EXOC6B: variants seen among roughly 807,000 people sequenced by gnomAD.
EXOC6B encodes the protein exocyst complex component 6B.
In EXOC6B, 54 loss-of-function variants were observed where a neutral mutation model predicts 113.5. That is an observed-to-expected ratio of 0.48 (90% CI 0.38 to 0.60). The LOEUF (loss-of-function observed/expected upper bound fraction) is 0.60. Ranked by LOEUF, EXOC6B falls within the 20% of genes least tolerant of loss-of-function variation. EXOC6B has a pLI of 0.00. For missense variants in EXOC6B, 797 were observed against 977.5 expected (o/e 0.82, Z 2.46); for synonymous variants, 357 against 339.0 (o/e 1.05, Z -0.58).
At chr2:72,244,444 A>G (rs1055256978) in intron 20 of EXOC6B, among the ~76,000 whole-genome samples, 33 of 152,164 alleles carry the variant, frequency 2.2e-4, no homozygotes, top group African/African-American at 7.7e-4. Flanking sequence ...TCCATAAATT[A>G]CCAAAGAAGG....
At chr2:72,303,448 C>T (rs1274997201) in intron 20 of EXOC6B, among the ~76,000 whole-genome samples, 1 of 152,038 alleles carries the variant, frequency 6.6e-6, no homozygotes, top group African/African-American at 2.4e-5. Context: ...TTATTATTTT[C>T]TCTTTATTTT....
At chr2:72,709,593 C>G (rs979540242) in intron 6 of EXOC6B, among the ~76,000 whole-genome samples, 2 of 152,112 alleles carry the variant, frequency 1.3e-5, no homozygotes, top group Non-Finnish European at 2.9e-5. Flanking sequence ...AGCTTAACCA[C>G]GTAACTGAGA....
intron 19 of EXOC6B, among the ~76,000 whole-genome samples, chr2:72,352,485 G>A (rs1689710575): frequency 1.3e-5 from 2 of 151,976 alleles, no homozygotes; most frequent in African/African-American, 4.8e-5. Flanking sequence ...TGATATTTGG[G>A]TTTTTTTCTC....
At chr2:72,450,491 A>G (rs531504258) in intron 18 of EXOC6B, among the ~76,000 whole-genome samples, 1 of 152,348 alleles carries the variant, frequency 6.6e-6, no homozygotes, top group Non-Finnish European at 1.5e-5. Flanking sequence ...GAGAGAGTGT[A>G]CTTGTTAACT....
At chr2:72,188,845 T>C (rs1433631049) in intron 20 of EXOC6B, among the ~76,000 whole-genome samples, 1 of 152,216 alleles carries the variant, frequency 6.6e-6, no homozygotes, top group Non-Finnish European at 1.5e-5. Context: ...AACATATTGC[T>C]TCCATCCAGA....
chr2:72,759,733 G>C (rs566844192), intron 1 of EXOC6B, among the ~76,000 whole-genome samples: 1 of 152,032 alleles, frequency 6.6e-6, no homozygotes, highest in African/African-American at 2.4e-5. Context: ...AATTTTAACG[G>C]GGAAGACTGT....
chr2:72,544,347 TG>T (rs1702782700), intron 8 of EXOC6B, among the ~76,000 whole-genome samples: 1 of 152,250 alleles, frequency 6.6e-6, no homozygotes, highest in South Asian at 2.1e-4. Flanking sequence ...AAAAGCTCCA[TG>T]TTTTTTTTTC....
intron 20 of EXOC6B, among the ~76,000 whole-genome samples, chr2:72,267,832 G>A (rs564430784): frequency 6.6e-6 from 1 of 152,178 alleles, no homozygotes; most frequent in Admixed American, 6.5e-5. Context: ...TTTCACTTGG[G>A]TCATCTCAAC....
At chr2:72,553,801 A>G (rs1703374903) in intron 8 of EXOC6B, among the ~76,000 whole-genome samples, 1 of 152,176 alleles carries the variant, frequency 6.6e-6, no homozygotes, top group Admixed American at 6.5e-5. Flanking sequence ...CACCAAAATA[A>G]GCTTGTACTA....
chr2:72,290,106 T>C (rs1685691962), intron 20 of EXOC6B, among the ~76,000 whole-genome samples: 1 of 152,312 alleles, frequency 6.6e-6, no homozygotes, highest in Admixed American at 6.5e-5. Flanking sequence ...ACTACACCAT[T>C]GGCTCTCCTG....
At chr2:72,554,478 G>A (rs923340365) in intron 8 of EXOC6B, among the ~76,000 whole-genome samples, 1 of 152,306 alleles carries the variant, frequency 6.6e-6, no homozygotes, top group Non-Finnish European at 1.5e-5. Context: ...TAGTGAGTGA[G>A]TCTCACAAGA....
intron 18 of EXOC6B, among the ~76,000 whole-genome samples, chr2:72,424,045 ATTGT>A (rs1199331970): frequency 1.3e-5 from 2 of 152,066 alleles, no homozygotes; most frequent in African/African-American, 2.4e-5. Flanking sequence ...TGACTTGCAA[ATTGT>A]TTTTGTCTTT....
intron 8 of EXOC6B, among the ~76,000 whole-genome samples, chr2:72,545,336 C>A (rs1451774889): frequency 1.3e-5 from 2 of 151,906 alleles, no homozygotes; most frequent in Non-Finnish European, 2.9e-5. Flanking sequence ...TGTTTGACTA[C>A]ATTTTTTGAA....
At chr2:72,495,003 G>A (rs947584527) in intron 15 of EXOC6B, among the ~76,000 whole-genome samples, 1 of 152,020 alleles carries the variant, frequency 6.6e-6, no homozygotes, top group Non-Finnish European at 1.5e-5. Flanking sequence ...TAAGTAGAAT[G>A]TCAAAATCAG....
intron 8 of EXOC6B, among the ~76,000 whole-genome samples, chr2:72,534,752 T>G (rs1448392688): frequency 6.6e-6 from 1 of 152,196 alleles, no homozygotes; most frequent in Non-Finnish European, 1.5e-5. Context: ...ATAAGAAAAC[T>G]GAAAGCCAAA....
At position 72,803,400 on chromosome 2, in the gene EXOC6B, G is replaced by A. The variant is rs77193574; in HGVS notation, c.113+22398C>T. 2.5e-3 allele frequency among the ~76,000 whole-genome samples: 387 copies of A among 151,960 alleles called. 1 individual carries two copies. The highest frequency in any genetic ancestry group is 9.0e-3 in the African/African-American group (373 of 41,444). On this transcript the variant is annotated intron_variant, in intron 1 of 21. Transcript: ENST00000272427. ...AACCAAATCTCTGGCAAAGATGTGA[G>A]GTTTATTCAACATACAATGAAGCTA...
intron 21 of EXOC6B, chr2:72,182,886 A>G (rs937772446): frequency 1.6e-6 from 2 of 1,231,036 alleles, no homozygotes; most frequent in East Asian, 3.2e-5. Flanking sequence ...AGTGAATAAT[A>G]TACTTACTCT....
chr2:72,269,466 A>C (rs1684341572), intron 20 of EXOC6B, among the ~76,000 whole-genome samples: 1 of 152,224 alleles, frequency 6.6e-6, no homozygotes, highest in Non-Finnish European at 1.5e-5. Context: ...CCATTCAGCT[A>C]TACTGGTTCC....
At chr2:72,331,811 T>G (rs1688429909) in intron 20 of EXOC6B, among the ~76,000 whole-genome samples, 1 of 152,146 alleles carries the variant, frequency 6.6e-6, no homozygotes, top group Admixed American at 6.6e-5. Flanking sequence ...ATATTCAAAA[T>G]GTCATTTCTC....
Sources: allele counts gnomAD v4.1 joint callset (sites outside exome capture counted in the v4.1 genomes callset), GRCh38; gene constraint gnomAD v4.1.1; transcripts MANE v1.5; gene names NCBI Gene and HGNC (gene_info 2026-07-23, HGNC 2026-07-21).